The following PARP2 variants were observed in gnomAD, a reference collection of about 807,000 sequenced individuals.
PARP2 encodes poly(ADP-ribose) polymerase 2, also known as poly [ADP-ribose] polymerase 2.
A neutral mutation model predicts 77.8 loss-of-function variants in PARP2; 57 were observed. The observed-to-expected ratio is 0.73, with a 90% CI of 0.59 to 0.91. The LOEUF is 0.91. Ranked by LOEUF, PARP2 falls within the 40% of genes least tolerant of loss-of-function variation. The probability of loss-of-function intolerance (pLI) is 0.00; values close to 1 mark genes in which losing one functional copy is unlikely to be tolerated. For synonymous variants in PARP2, 226 were observed against 242.6 expected, an observed-to-expected ratio of 0.93 and a Z score of 0.64; for missense variants, 651 against 689.0, an observed-to-expected ratio of 0.94 and a Z score of 0.62.
rs1227940319 is a variant in PARP2 at position 20,357,870 on chromosome 14, G to A, written c.*73G>A. On this transcript the variant is annotated 3_prime_UTR_variant, in exon 16 of 16. Transcript: ENST00000429687. ...AAGCAGTGTTGTACTTGTGAATTTT[G>A]TGATATTTTATGTAATAAAAACTGT... The A allele has an allele frequency of 7.1e-7, 1 of 1,414,116 alleles. No homozygotes were observed. Among genetic ancestry groups the A allele is most frequent in the East Asian group, 2.3e-5 (1 of 43,520 alleles). 87.6% of individuals were successfully genotyped at this position (1,414,116 alleles called of 1,614,324 possible). A position where few individuals can be genotyped will look rare whatever the true frequency, so the allele number is the denominator to read the frequency against.
Position 20,355,816 on chromosome 14 carries a change from G to C in PARP2, c.966+1G>C. ...GTCAGAAAAAATACAATTACTAGAG[G>C]TGAGATATGTATGATTTGAGAAGTA... On this transcript the variant is annotated splice_donor_variant, in intron 10 of 15. Transcript: ENST00000429687. LOFTEE classifies it high-confidence loss of function. 6.2e-7 allele frequency: 1 copy of C among 1,613,296 alleles called. No homozygotes were observed. Among genetic ancestry groups the C allele is most frequent in the Non-Finnish European group, 8.5e-7 (1 of 1,179,276 alleles).
chr14:20,351,330 C>T (rs931869306), intron 6 of PARP2, among the ~76,000 whole-genome samples: 2 of 151,946 alleles, frequency 1.3e-5, no homozygotes, highest in African/African-American at 4.8e-5. Flanking sequence ...AGGCGCCCAC[C>T]ACCACGCCCA....
At chr14:20,352,735 G>A (rs1760918) in intron 7 of PARP2, 72,946 of 160,532 alleles carry the variant, frequency 0.45, 18,491 homozygotes, top group African/African-American at 0.7. Context: ...GATCATTCCT[G>A]GACTGGGACA....
chr14:20,346,675 T>C, intron 3 of PARP2, 188 bp from the exon 4 acceptor site: 1 of 512,374 alleles, frequency 2.0e-6, no homozygotes, highest in Non-Finnish European at 3.5e-6. Context: ...AGGAAGCATG[T>C]TTTCATTTAT....
In PARP2 at chr14:20,357,625, T is replaced by A; in HGVS notation, c.1554-13T>A. ...AGAGACTGATGTTGACACACTTTTT[T>A]TCCATTTGGCAGGAATGGGAGTACA... On this transcript the variant is annotated splice_polypyrimidine_tract_variant and intron_variant, in intron 15 of 15. Coordinates refer to ENST00000429687, the MANE Select transcript of PARP2 (RefSeq NM_001042618.2). 6.2e-7 allele frequency: 1 copy of A among 1,609,660 alleles called. No homozygotes were observed.
intron 3 of PARP2, among the ~76,000 whole-genome samples, chr14:20,345,746 C>G (rs1883694309): frequency 6.6e-6 from 1 of 151,956 alleles, no homozygotes; most frequent in Non-Finnish European, 1.5e-5. Context: ...AGAGGCTGTA[C>G]AGGAAGCATA....
chr14:20,355,545 T>G, intron 9 of PARP2: 1 of 370,482 alleles, frequency 2.7e-6, no homozygotes, highest in Non-Finnish European at 4.8e-6. Context: ...AAAATCCACA[T>G]AGTTCATCTT....
At chr14:20,345,554 C>A in intron 3 of PARP2, 90 bp downstream of exon 3, 1 of 933,304 alleles carries the variant, frequency 1.1e-6, no homozygotes, top group Non-Finnish European at 1.7e-6. Flanking sequence ...GCTGTTAGTA[C>A]TCATTTTAGG....
chr14:20,350,717 C>A (rs1883923910), intron 5 of PARP2, 95 bp downstream of exon 5: 3 of 782,176 alleles, frequency 3.8e-6, no homozygotes, highest in South Asian at 3.0e-5. Flanking sequence ...TAAATTGGGT[C>A]AGTAGAGGCT....
intron 6 of PARP2, among the ~76,000 whole-genome samples, chr14:20,351,697 A>T (rs1883960217): frequency 6.6e-6 from 1 of 152,096 alleles, no homozygotes; most frequent in Non-Finnish European, 1.5e-5. Flanking sequence ...AATTTGGGAT[A>T]AGTGGAGACT....
In PARP2 at chr14:20,357,902, C is replaced by A; in HGVS notation, c.*105C>A. ...TTTATGTAATAAAAACTGTACAGGTCTACCACTGGCTTCTTCGGGCTTTAT... is the reference window on the plus strand; with the variant it reads ...TTTATGTAATAAAAACTGTACAGGTATACCACTGGCTTCTTCGGGCTTTAT... On this transcript the variant is annotated 3_prime_UTR_variant, in exon 16 of 16. Transcript: ENST00000429687. 2 of 939,970 alleles carry A rather than the reference C, an allele frequency of 2.1e-6. No individual in the cohort carries two copies. The highest frequency in any genetic ancestry group is 2.6e-5 in the East Asian group (1 of 39,132). 58.2% of individuals were successfully genotyped at this position (939,970 alleles called of 1,614,324 possible). A position where few individuals can be genotyped will look rare whatever the true frequency, so the allele number is the denominator to read the frequency against.
chr14:20,354,680 G>A (rs1263840608), intron 8 of PARP2, 129 bp from the exon 9 acceptor site: 3 of 894,950 alleles, frequency 3.4e-6, no homozygotes, highest in South Asian at 1.7e-5. Flanking sequence ...GGCAACAGGA[G>A]TGAGACCCCA....
chr14:20,347,770 C>A (rs1883822707), intron 4 of PARP2, among the ~76,000 whole-genome samples: 1 of 151,918 alleles, frequency 6.6e-6, no homozygotes, highest in East Asian at 1.9e-4. Flanking sequence ...AGCCCTAGCA[C>A]ACTCTTATCA....
In PARP2 at chr14:20,344,681, T is replaced by C. The variant is rs1053830923; in HGVS notation, c.47-251T>C. Reference sequence around the variant, plus strand: ...TACAAAAATTAACTGGGCATGGTGGTGCACGCCTGTAATCCCAGCTACTCA... The same window carrying C: ...TACAAAAATTAACTGGGCATGGTGGCGCACGCCTGTAATCCCAGCTACTCA... On this transcript the variant is annotated intron_variant, in intron 1 of 15. Transcript: ENST00000429687. 5.3e-5 allele frequency among the ~76,000 whole-genome samples: 8 copies of C among 151,976 alleles called. No homozygotes were observed. The East Asian group carries it at 9.7e-4, about 18-fold the overall frequency.
intron 9 of PARP2, 123 bp downstream of exon 9, chr14:20,355,070 C>A: frequency 1.1e-6 from 1 of 920,968 alleles, no homozygotes. Flanking sequence ...TGAATAGGTA[C>A]AGAAACAAAA....
chr14:20,344,629 A>C (rs1289381890), intron 1 of PARP2, among the ~76,000 whole-genome samples: 2 of 152,192 alleles, frequency 1.3e-5, no homozygotes, highest in Admixed American at 6.5e-5. Flanking sequence ...CCTGGCCAAC[A>C]TGGTGAAACC....
At chr14:20,350,279 T>A (rs565100241) in intron 4 of PARP2, among the ~76,000 whole-genome samples, 2 of 152,316 alleles carry the variant, frequency 1.3e-5, no homozygotes, top group African/African-American at 4.8e-5. Context: ...GTAGGATATT[T>A]GAGGTTGGAT....
chr14:20,356,291 GTCT>G lies in PARP2; in HGVS notation c.1102-14_1102-12del. Reference sequence around the variant, plus strand: ...TTGTAGAGTCTACATCAGCCTTTTTGTCTTATTTTTCACAGGTGATTTCCCAGT... The same window carrying G: ...TTGTAGAGTCTACATCAGCCTTTTTGTATTTTTCACAGGTGATTTCCCAGT... On this transcript the variant is annotated splice_polypyrimidine_tract_variant and intron_variant, in intron 11 of 15. Transcript: ENST00000429687. The G allele has an allele frequency of 6.2e-7, 1 of 1,613,226 alleles. No homozygotes were observed. Among genetic ancestry groups the G allele is most frequent in the Non-Finnish European group, 8.5e-7 (1 of 1,179,688 alleles).
At chr14:20,350,671 A>G in intron 5 of PARP2, 49 bp downstream of exon 5, 1 of 1,221,360 alleles carries the variant, frequency 8.2e-7, no homozygotes, top group Non-Finnish European at 1.2e-6. Flanking sequence ...GAAAGTCAGA[A>G]GCAGCTTAGT....
Sources: gnomAD v4.1 joint callset for allele counts (sites outside exome capture counted in the v4.1 genomes callset) on GRCh38, gnomAD v4.1.1 for gene constraint, MANE v1.5 for transcripts, NCBI Gene and HGNC (gene_info 2026-07-23, HGNC 2026-07-21) for gene names.